The following DENND1A variants were observed in gnomAD, a reference collection of about 807,000 sequenced individuals.
DENND1A encodes DENN domain containing 1A, also known as DENN domain-containing protein 1A.
In DENND1A, 51 loss-of-function variants were observed where a neutral mutation model predicts 113.7. The ratio of observed to expected loss-of-function variants is 0.45; its 90% CI spans 0.36 to 0.57. The LOEUF is 0.57. Among genes scored for constraint, DENND1A ranks in the 20% least tolerant of loss-of-function variants. DENND1A has a pLI of 0.00. For synonymous variants in DENND1A, 565 were observed against 570.8 expected (o/e 0.99, Z 0.14); for missense variants, 1,258 against 1,395.9 (o/e 0.90, Z 1.57).
intron 5 of DENND1A, among the ~76,000 whole-genome samples, chr9:123,689,079 C>A (rs2065004260): frequency 6.6e-6 from 1 of 152,160 alleles, no homozygotes; most frequent in Admixed American, 6.5e-5. Flanking sequence ...GGCTGGAGTG[C>A]AGTGGCGTGA....
At chr9:123,745,295 C>CT (rs2069396375) in intron 5 of DENND1A, among the ~76,000 whole-genome samples, 1 of 152,210 alleles carries the variant, frequency 6.6e-6, no homozygotes, top group Non-Finnish European at 1.5e-5. Context: ...GGGACTGCCT[C>CT]TTTCTCTAGC....
rs562046307 is a variant in DENND1A at position 123,500,151 on chromosome 9, T to TA, written c.994-42255dup. On this transcript the variant is annotated intron_variant, in intron 13 of 23. Coordinates refer to ENST00000394215, the MANE Select transcript of DENND1A (RefSeq NM_001352964.2). ...CCTAAAATAAAAGTTAAGAAAAGTC[T>TA]AAAAGTCACTTATTTTTTCCCAGGT... 7.5e-3 allele frequency among the ~76,000 whole-genome samples: 1,141 copies of TA among 152,338 alleles called. 14 individuals carry two copies. The highest frequency in any genetic ancestry group is 0.026 in the African/African-American group (1,067 of 41,586).
chr9:123,870,024 A>AG (rs1846312241), intron 2 of DENND1A, among the ~76,000 whole-genome samples: 1 of 148,344 alleles, frequency 6.7e-6, no homozygotes, highest in African/African-American at 2.6e-5. Context: ...AAAAAAAAAA[A>AG]GAATCAGGGC....
intron 12 of DENND1A, among the ~76,000 whole-genome samples, chr9:123,563,167 T>C (rs901684836): frequency 6.6e-6 from 1 of 152,120 alleles, no homozygotes; most frequent in African/African-American, 2.4e-5. Context: ...GAAATGAACA[T>C]CTATCTGCAT....
In DENND1A at chr9:123,692,268, T is replaced by C. The variant is rs185341773; in HGVS notation, c.303-15479A>G. On this transcript the variant is annotated intron_variant, in intron 5 of 23. Transcript: ENST00000394215. ...TTATGACTGTTAGGTAGATGTCTAC[T>C]CTCTTAGGAGAAAGAATGGTTCTCA... Among the ~76,000 whole-genome samples, 136 of 152,362 alleles carry C rather than the reference T, an allele frequency of 8.9e-4. No individual in the cohort carries two copies. In the Middle Eastern group the frequency reaches 0.01, roughly 11 times the overall value.
At chr9:123,480,741 C>G (rs751582846) in intron 13 of DENND1A, among the ~76,000 whole-genome samples, 1 of 152,216 alleles carries the variant, frequency 6.6e-6, no homozygotes, top group Non-Finnish European at 1.5e-5. Context: ...AGGGAGGGAA[C>G]TGTCTTCATG....
At chr9:123,626,260 G>A (rs1298416013) in intron 10 of DENND1A, among the ~76,000 whole-genome samples, 2 of 152,018 alleles carry the variant, frequency 1.3e-5, no homozygotes, top group African/African-American at 4.8e-5. Context: ...TCTCCCTGTG[G>A]AAGACCCTGA....
At chr9:123,817,071 T>A (rs561285760) in intron 2 of DENND1A, among the ~76,000 whole-genome samples, 1 of 152,312 alleles carries the variant, frequency 6.6e-6, no homozygotes, top group South Asian at 2.1e-4. Flanking sequence ...GTTCCAGTAA[T>A]ACCCAACCTC....
chr9:123,824,561 C>T (rs1402457836), intron 2 of DENND1A, among the ~76,000 whole-genome samples: 1 of 151,672 alleles, frequency 6.6e-6, no homozygotes, highest in Non-Finnish European at 1.5e-5. Flanking sequence ...ACTCAAAATA[C>T]ATTGGGTAGC....
chr9:123,847,871 T>C (rs897178400), intron 2 of DENND1A, among the ~76,000 whole-genome samples: 4 of 151,958 alleles, frequency 2.6e-5, no homozygotes, highest in Non-Finnish European at 5.9e-5. Context: ...GAGGCGGAGG[T>C]TGCAGTGAGC....
intron 20 of DENND1A, among the ~76,000 whole-genome samples, chr9:123,411,053 T>C (rs2131519076): frequency 6.6e-6 from 1 of 152,116 alleles, no homozygotes. Flanking sequence ...GGTGGTGGGT[T>C]TATCACATTT....
At chr9:123,696,171 C>T (rs774773628) in intron 5 of DENND1A, among the ~76,000 whole-genome samples, 15 of 152,200 alleles carry the variant, frequency 9.9e-5, no homozygotes, top group Middle Eastern at 3.4e-3. Context: ...TTCAATTACA[C>T]GATTTCAGAT....
intron 5 of DENND1A, among the ~76,000 whole-genome samples, chr9:123,756,884 C>T (rs2070603374): frequency 1.3e-5 from 2 of 152,112 alleles, no homozygotes; most frequent in Non-Finnish European, 1.5e-5. Context: ...CCTGGGGGCC[C>T]GGGTTTTGTC....
intron 13 of DENND1A, among the ~76,000 whole-genome samples, chr9:123,490,054 T>C (rs988563086): frequency 5.9e-5 from 9 of 152,178 alleles, no homozygotes; most frequent in Non-Finnish European, 8.8e-5. Flanking sequence ...TTTGGGACAA[T>C]TGTGAATTCC....
chr9:123,729,788 C>T (rs2068019778), intron 5 of DENND1A, among the ~76,000 whole-genome samples: 1 of 152,156 alleles, frequency 6.6e-6, no homozygotes, highest in Admixed American at 6.5e-5. Flanking sequence ...CAAAAAAGAG[C>T]CTGCATAGCC....
intron 13 of DENND1A, among the ~76,000 whole-genome samples, chr9:123,492,351 G>T (rs1183389114): frequency 6.6e-6 from 1 of 152,236 alleles, no homozygotes; most frequent in Admixed American, 6.5e-5. Context: ...GGAAGCGTGT[G>T]CTGAGCCTTG....
chr9:123,582,191 T>A (rs1397315492), intron 12 of DENND1A, among the ~76,000 whole-genome samples: 2 of 152,096 alleles, frequency 1.3e-5, no homozygotes, highest in Non-Finnish European at 2.9e-5. Flanking sequence ...CCCCAAATTG[T>A]TCACACTGAA....
At chr9:123,921,735 T>C (rs140241533) in intron 1 of DENND1A, among the ~76,000 whole-genome samples, 65 of 152,326 alleles carry the variant, frequency 4.3e-4, no homozygotes, top group African/African-American at 1.2e-3. Context: ...ATCCCAATTA[T>C]AACTTTTCAC....
chr9:123,387,945 G>A (rs2042653248), intron 21 of DENND1A, 87 bp from the exon 22 acceptor site: 4 of 1,237,204 alleles, frequency 3.2e-6, no homozygotes, highest in African/African-American at 3.1e-5. Context: ...CAGGCCTCTG[G>A]GCTCCACGCC....
Sources: allele counts gnomAD v4.1 joint callset (sites outside exome capture counted in the v4.1 genomes callset), GRCh38; gene constraint gnomAD v4.1.1; transcripts MANE v1.5; gene names NCBI Gene and HGNC (gene_info 2026-07-23, HGNC 2026-07-21).